Variants in NPHP3 observed in about 807,000 individuals in gnomAD.
The protein encoded by NPHP3 is nephrocystin 3, also known as nephrocystin-3.
Under a neutral mutation model 171.9 loss-of-function variants are expected in NPHP3, and 123 were observed. The observed-to-expected ratio is 0.72, with a 90% confidence interval of 0.62 to 0.83. The LOEUF is 0.83. NPHP3 is among the 40% of genes least tolerant of loss of function. The probability of loss-of-function intolerance (pLI) is 0.00; values close to 1 mark genes in which losing one functional copy is unlikely to be tolerated. For synonymous variants in NPHP3, 558 were observed against 579.2 expected, an observed-to-expected ratio of 0.96 and a Z score of 0.52; for missense variants, 1,506 against 1,591.9, an observed-to-expected ratio of 0.95 and a Z score of 0.92.
chr3:132,695,506 A>C (rs1939430756), intron 15 of NPHP3, among the ~76,000 whole-genome samples: 1 of 152,272 alleles, frequency 6.6e-6, no homozygotes, highest in Admixed American at 6.5e-5. Flanking sequence ...AAATAAAAAC[A>C]GTAAAATACT....
At chr3:132,718,036 A>G (rs1024140311) in intron 3 of NPHP3, 15 of 441,858 alleles carry the variant, frequency 3.4e-5, no homozygotes, top group Non-Finnish European at 4.9e-5. Context: ...TTACAGGCAT[A>G]AGCCACCGTG....
chr3:132,693,725 A>C (rs1939364813), intron 16 of NPHP3: 1 of 151,996 alleles, frequency 6.6e-6, no homozygotes, highest in African/African-American at 2.4e-5. Flanking sequence ...TACAAAAAAT[A>C]AGCTGGGCGT....
intron 9 of NPHP3, among the ~76,000 whole-genome samples, 181 bp from the exon 10 acceptor site, chr3:132,701,714 C>T (rs1358247916): frequency 6.6e-6 from 1 of 152,128 alleles, no homozygotes; most frequent in African/African-American, 2.4e-5. Flanking sequence ...CATGACTGAA[C>T]TAGTAAACTA....
chr3:132,686,410 A>T (rs1389683425), intron 22 of NPHP3, 23 bp from the exon 23 acceptor site: 1 of 1,613,816 alleles, frequency 6.2e-7, no homozygotes, highest in East Asian at 2.2e-5. Flanking sequence ...TGAAAAATGA[A>T]AAGCAATCAC....
At chr3:132,705,511 T>C (rs1353194547) in intron 8 of NPHP3, among the ~76,000 whole-genome samples, 2 of 152,208 alleles carry the variant, frequency 1.3e-5, no homozygotes, top group East Asian at 1.9e-4. Flanking sequence ...CACTTAGGTA[T>C]TGAAGCATCA....
intron 14 of NPHP3, 115 bp from the exon 15 acceptor site, chr3:132,696,928 C>T (rs1939469180): frequency 2.4e-6 from 2 of 836,908 alleles, no homozygotes; most frequent in Non-Finnish European, 4.0e-6. Context: ...ACTATTGCTG[C>T]CATCCGTGAC....
chr3:132,687,005 CA>C lies in NPHP3; in HGVS notation c.3201+145del, dbSNP rs533677117. 92 of 565,510 alleles carry C rather than the reference CA, an allele frequency of 1.6e-4. No individual in the cohort carries two copies. In the East Asian group the frequency reaches 2.4e-3, roughly 15 times the overall value. The allele number at this position is 565,510 out of a possible 1,614,324, so 35.0% of individuals were successfully genotyped here. ...TTCTCAGTAATATGATATTTTAACACATAAATAAGAAAATGTTAAGTAGTTC... is the reference window on the plus strand; with the variant it reads ...TTCTCAGTAATATGATATTTTAACACTAAATAAGAAAATGTTAAGTAGTTC... On this transcript the variant is annotated intron_variant, in intron 22 of 26. Transcript: ENST00000337331.
chr3:132,693,446 C>T (rs1387559201), intron 16 of NPHP3: 1 of 153,060 alleles, frequency 6.5e-6, no homozygotes, highest in African/African-American at 2.4e-5. Flanking sequence ...AGGACCTTCA[C>T]CCTCAGTGAA....
rs117406138 is a variant in NPHP3, at chr3:132,708,554, T to A, written c.1119-297A>T. Among the ~76,000 whole-genome samples the A allele has an allele frequency of 4.0e-3, 615 of 152,330 alleles. 10 individuals are homozygous for A. In the East Asian group the frequency reaches 0.07, roughly 17 times the overall value. ...AACCTAAAAAAGATCTCAAAAATAC[T>A]CTTAAACTTGGCTCAAAATAATGGA... On this transcript the variant is annotated intron_variant, in intron 6 of 26. Coordinates refer to ENST00000337331, the MANE Select transcript of NPHP3 (RefSeq NM_153240.5).
In NPHP3 at chr3:132,688,877, C is replaced by T. The variant is rs368692837; in HGVS notation, c.2898G>A (p.Leu966=). ...TTTCTCGAATCTCTAAAGACCTCTG[C>T]AAAGGTACTATGGCCTGGGGGGAAA... The part of the protein sequence containing the change: ...LGLLSQAIVP[L]QRSLEIRETA... The change falls in exon 21 of 27, where the codon TTG becomes TTA. Residue 966 remains leucine (L), a synonymous_variant. Transcript: ENST00000337331. 4 of 1,613,992 alleles carry T rather than the reference C, an allele frequency of 2.5e-6. No homozygotes were observed. The highest frequency in any genetic ancestry group is 8.5e-7 in the Non-Finnish European group (1 of 1,179,988).
chr3:132,683,081 T>G (rs1326187781), intron 25 of NPHP3, among the ~76,000 whole-genome samples: 1 of 152,070 alleles, frequency 6.6e-6, no homozygotes, highest in Non-Finnish European at 1.5e-5. Context: ...GCCCAATGGC[T>G]CCCCCACCTG....
chr3:132,716,849 C>T lies in NPHP3; in HGVS notation c.731G>A (p.Gly244Glu). ...GGALGSEPSI[G>E]SMIQLQQSFR... Reference sequence around the variant, plus strand: ...GGACTGCTGAAGCTGGATCATGCTTCCTATGGAAGGTTCACTTCCCAAGGC... The same window carrying T: ...GGACTGCTGAAGCTGGATCATGCTTTCTATGGAAGGTTCACTTCCCAAGGC... The change falls in exon 4 of 27, where the codon GGA (glycine) becomes GAA (glutamate). Residue 244 changes from glycine (G) to glutamate (E), a missense_variant. Gly to Glu is a moderately conservative substitution (Grantham distance 98). Coordinates refer to ENST00000337331, the MANE Select transcript of NPHP3 (RefSeq NM_153240.5). 6.2e-7 allele frequency: 1 copy of T among 1,614,196 alleles called. No individual in the cohort carries two copies. The highest frequency in any genetic ancestry group is 1.1e-5 in the South Asian group (1 of 91,086).
chr3:132,687,493 C>T (rs1165206928), intron 21 of NPHP3, among the ~76,000 whole-genome samples: 4 of 152,152 alleles, frequency 2.6e-5, no homozygotes, highest in Non-Finnish European at 5.9e-5. Flanking sequence ...CAAAACAAAG[C>T]AAGTCTAGTC....
rs1485883776 is a variant in NPHP3 at position 132,684,807 on chromosome 3, T to A, written c.3330-13A>T. On this transcript the variant is annotated splice_polypyrimidine_tract_variant and intron_variant, in intron 23 of 26. Coordinates refer to ENST00000337331, the MANE Select transcript of NPHP3 (RefSeq NM_153240.5). ...CTGGTCAGCTGTTCTGTGAACACAA[T>A]CCCAAAATGGCTTAAACTATCTATT... The A allele has an allele frequency of 2.5e-6, 4 of 1,611,928 alleles. No individual in the cohort carries two copies. In the Admixed American group the frequency reaches 5.0e-5, roughly 20 times the overall value.
In NPHP3 at chr3:132,687,171, T is replaced by C. The variant is rs752028669; in HGVS notation, c.3181A>G (p.Ile1061Val). The part of the protein sequence containing the change: ...KKSFKIHQKA[I>V]KKKGNLYGFA... ...CTTACCAAGTTGCCTTTTTTCTTTA[T>C]AGCTTTCTGATGAATTTTAAAGGAT... The change falls in exon 22 of 27, where the codon ATA becomes GTA. Residue 1061 changes from isoleucine to valine, a missense_variant. Coordinates refer to ENST00000337331, the MANE Select transcript of NPHP3 (RefSeq NM_153240.5). 3 of 1,476,366 alleles carry C rather than the reference T, an allele frequency of 2.0e-6. No individual in the cohort carries two copies. Among genetic ancestry groups the C allele is most frequent in the Non-Finnish European group, 2.8e-6 (3 of 1,057,190 alleles). The allele number at this position is 1,476,366 out of a possible 1,614,324, so 91.5% of individuals were successfully genotyped here.
At chr3:132,690,133 AAAAC>A (rs1939262188) in intron 19 of NPHP3, among the ~76,000 whole-genome samples, 1 of 152,184 alleles carries the variant, frequency 6.6e-6, no homozygotes, top group Admixed American at 6.6e-5. Context: ...CAAACAAACA[AAAAC>A]AAATAAATTC....
chr3:132,705,755 T>C lies in NPHP3; in HGVS notation c.1335A>G (p.Glu445=), dbSNP rs1939730848. The C allele has an allele frequency of 1.4e-6, 2 of 1,436,472 alleles. No homozygotes were observed. The highest frequency in any genetic ancestry group is 3.4e-5 in the Admixed American group (2 of 59,268). The allele number at this position is 1,436,472 out of a possible 1,614,324, so 89.0% of individuals were successfully genotyped here. The part of the protein sequence containing the change: ...EGVYKTYICV[E]KIIKQDILGF... ...GCATATTTACCTGTTTAATAATCTT[T>C]TCTACACAAATATAAGTTTTATATA... The change falls in exon 8 of 27, where the codon GAA becomes GAG. Residue 445 remains glutamate (E), a synonymous_variant. Coordinates refer to ENST00000337331, the MANE Select transcript of NPHP3 (RefSeq NM_153240.5).
chr3:132,719,901 T>A, intron 1 of NPHP3, 71 bp from the exon 2 acceptor site: 1 of 590,832 alleles, frequency 1.7e-6, no homozygotes, highest in Non-Finnish European at 2.4e-6. Context: ...CTTATATATA[T>A]ACATATATAT....
intron 1 of NPHP3, among the ~76,000 whole-genome samples, chr3:132,720,806 G>A (rs997731635): frequency 6.6e-6 from 1 of 152,014 alleles, no homozygotes; most frequent in Non-Finnish European, 1.5e-5. Flanking sequence ...CTGCCTATAA[G>A]TCTCTCCCAC....
Sources: gnomAD v4.1 joint callset for allele counts (sites outside exome capture counted in the v4.1 genomes callset) on GRCh38, gnomAD v4.1.1 for gene constraint, MANE v1.5 for transcripts, NCBI Gene and HGNC (gene_info 2026-07-23, HGNC 2026-07-21) for gene names.